GABPB2: variants seen among roughly 807,000 people sequenced by gnomAD.
GABPB2 encodes the protein GA-binding protein subunit beta-2.
Under a neutral mutation model 39.1 loss-of-function variants are expected in GABPB2, and 23 were observed. The ratio of observed to expected loss-of-function variants is 0.59; its 90% CI spans 0.42 to 0.83. The LOEUF (loss-of-function observed/expected upper bound fraction) is 0.83. Among genes scored for constraint, GABPB2 ranks in the 40% least tolerant of loss-of-function variants. The pLI is 0.00. For synonymous variants in GABPB2, 184 were observed against 199.3 expected, an observed-to-expected ratio of 0.92 and a Z score of 0.65; for missense variants, 467 against 541.1, an observed-to-expected ratio of 0.86 and a Z score of 1.36.
At chr1:151,087,261 A>C (rs191180293) in intron 1 of GABPB2, among the ~76,000 whole-genome samples, 1 of 152,186 alleles carries the variant, frequency 6.6e-6, no homozygotes, top group African/African-American at 2.4e-5. Flanking sequence ...TGCTGGGATT[A>C]CAGTCCCAAG....
At chr1:151,084,218 T>G (rs587700622) in intron 1 of GABPB2, among the ~76,000 whole-genome samples, 15 of 151,920 alleles carry the variant, frequency 9.9e-5, no homozygotes, top group East Asian at 5.8e-4. Flanking sequence ...AGCTGTTTTT[T>G]TTTGTTTGTT....
Position 151,117,533 on chromosome 1 carries a change from T to G in GABPB2, c.1047+17T>G. On this transcript the variant is annotated intron_variant, in intron 8 of 8. Transcript: ENST00000368918. ...GAAAGCAAGGTAATGTTTTTAGGAG[T>G]GATGAAAAGAATTTAAAGCCTTAAT... 6.2e-7 allele frequency: 1 copy of G among 1,610,380 alleles called. No individual in the cohort carries two copies. The highest frequency in any genetic ancestry group is 1.1e-5 in the South Asian group (1 of 90,610).
chr1:151,104,779 T>TTCTC lies in GABPB2; in HGVS notation c.736+1107_736+1108insCTCT, dbSNP rs1325856864. ...TGTGACTCTTTCTTTCTTTCTCTCT[T>TTCTC]TCTTTCTTTCTTTCTTTCTTTCTTT... On this transcript the variant is annotated intron_variant, in intron 6 of 8. Transcript: ENST00000368918. Among the ~76,000 whole-genome samples the TTCTC allele has an allele frequency of 6.5e-4, 29 of 44,472 alleles. No individual in the cohort carries two copies. The South Asian group carries it at 0.011, about 16-fold the overall frequency. The allele number at this position is 44,472 out of a possible 152,430, so 29.2% of individuals were successfully genotyped here. A position where few individuals can be genotyped will look rare whatever the true frequency, so the allele number is the denominator to read the frequency against.
intron 1 of GABPB2, among the ~76,000 whole-genome samples, chr1:151,071,323 A>G (rs1340388506): frequency 6.6e-6 from 1 of 152,078 alleles, no homozygotes; most frequent in East Asian, 1.9e-4. Context: ...GGTGTGAGGA[A>G]CTGTAGGGTT....
intron 7 of GABPB2, chr1:151,112,364 T>TA (rs1353486544): frequency 1.3e-5 from 2 of 152,006 alleles, no homozygotes; most frequent in African/African-American, 4.8e-5. Context: ...TTTTTTGAGA[T>TA]AGAGTCTCAC....
intron 6 of GABPB2, among the ~76,000 whole-genome samples, chr1:151,104,240 G>T (rs1191215717): frequency 6.6e-6 from 1 of 152,178 alleles, no homozygotes; most frequent in Non-Finnish European, 1.5e-5. Context: ...CAGAGCTAGT[G>T]GTCTGTGGGG....
chr1:151,118,013 C>T lies in GABPB2; in HGVS notation c.1104C>T (p.Ala368=). The T allele has an allele frequency of 6.2e-7, 1 of 1,614,070 alleles. No individual in the cohort carries two copies. Among genetic ancestry groups the T allele is most frequent in the South Asian group, 1.1e-5 (1 of 91,080 alleles). ...QQQLQEANRR[A]QEYRHQLLKK... ...AACTCCAGGAGGCCAATCGAAGAGC[C>T]CAGGAATACCGACACCAGCTCCTAA... The change falls in exon 9 of 9, where the codon GCC becomes GCT. Residue 368 remains alanine, a synonymous_variant. Coordinates refer to ENST00000368918, the MANE Select transcript of GABPB2 (RefSeq NM_144618.3).
At chr1:151,099,421 C>T (rs763767977) in intron 5 of GABPB2, among the ~76,000 whole-genome samples, 1 of 152,106 alleles carries the variant, frequency 6.6e-6, no homozygotes, top group African/African-American at 2.4e-5. Flanking sequence ...TGGTCTTGAT[C>T]TCCTGACCTC....
At chr1:151,084,941 T>A (rs1029196419) in intron 1 of GABPB2, among the ~76,000 whole-genome samples, 12 of 151,434 alleles carry the variant, frequency 7.9e-5, no homozygotes, top group South Asian at 2.1e-4. Context: ...ACAAAAAATT[T>A]AAAAAAAAAT....
intron 1 of GABPB2, among the ~76,000 whole-genome samples, chr1:151,076,676 C>T (rs975210785): frequency 7.9e-5 from 12 of 152,032 alleles, no homozygotes; most frequent in East Asian, 3.9e-4. Flanking sequence ...GTGATCCACC[C>T]GCCTCAGCCT....
intron 1 of GABPB2, among the ~76,000 whole-genome samples, chr1:151,073,805 A>G (rs1325040153): frequency 6.6e-6 from 1 of 151,754 alleles, no homozygotes; most frequent in Non-Finnish European, 1.5e-5. Context: ...CTGTAGTCCC[A>G]GCTACTTGGG....
intron 7 of GABPB2, among the ~76,000 whole-genome samples, chr1:151,113,789 A>T (rs587742886): frequency 9.0e-4 from 136 of 151,402 alleles, no homozygotes; most frequent in African/African-American, 3.1e-3. Context: ...AAGTGCTGGG[A>T]TTACAGGCAT....
At chr1:151,082,392 CTTTTTTT>C (rs35044606) in intron 1 of GABPB2, among the ~76,000 whole-genome samples, 2 of 48,002 alleles carry the variant, frequency 4.2e-5, no homozygotes, top group African/African-American at 1.7e-4. Context: ...GTGGTAATTT[CTTTTTTT>C]TTTTTTTTTT....
At chr1:151,079,878 G>A (rs1030379156) in intron 1 of GABPB2, among the ~76,000 whole-genome samples, 3 of 150,352 alleles carry the variant, frequency 2.0e-5, no homozygotes, top group African/African-American at 7.4e-5. Flanking sequence ...CCTGCGTAAC[G>A]AGCAAAACTC....
chr1:151,103,786 G>A (rs1046360492), intron 6 of GABPB2, 111 bp downstream of exon 6: 4 of 717,504 alleles, frequency 5.6e-6, no homozygotes, highest in Admixed American at 5.4e-5. Context: ...TTAATTAGAG[G>A]CAGCTAAGGA....
At chr1:151,076,643 T>C (rs1182135990) in intron 1 of GABPB2, among the ~76,000 whole-genome samples, 1 of 151,984 alleles carries the variant, frequency 6.6e-6, no homozygotes, top group East Asian at 1.9e-4. Context: ...TTGGCCAGGC[T>C]GGTCTCGAAC....
chr1:151,103,710 CT>C (rs1190466515), intron 6 of GABPB2, 35 bp downstream of exon 6: 2 of 1,361,096 alleles, frequency 1.5e-6, no homozygotes, highest in Admixed American at 1.7e-5. Flanking sequence ...TGAATCACCA[CT>C]TTTTCTTTTG....
chr1:151,094,555 G>A (rs1034264435), intron 4 of GABPB2, among the ~76,000 whole-genome samples: 2 of 144,170 alleles, frequency 1.4e-5, no homozygotes, highest in Non-Finnish European at 3.1e-5. Context: ...CACCATTTTG[G>A]CCAGGCTGGT....
chr1:151,103,464 T>A, intron 5 of GABPB2, 98 bp from the exon 6 acceptor site: 1 of 732,744 alleles, frequency 1.4e-6, no homozygotes, highest in Non-Finnish European at 2.4e-6. Context: ...TTGAGGACAT[T>A]AGAAGGAAAA....
Sources: gnomAD v4.1 joint callset for allele counts (sites outside exome capture counted in the v4.1 genomes callset) on GRCh38, gnomAD v4.1.1 for gene constraint, MANE v1.5 for transcripts, NCBI Gene and HGNC (gene_info 2026-07-23, HGNC 2026-07-21) for gene names.